The following FREM1 variants were observed in gnomAD, a reference collection of about 807,000 sequenced individuals.
FREM1 encodes FRAS1 related extracellular matrix 1.
FREM1 carries 220 observed loss-of-function variants against 210.1 expected under a neutral mutation model. The ratio of observed to expected loss-of-function variants is 1.05; its 90% CI spans 0.94 to 1.17. FREM1 has a LOEUF of 1.17. FREM1 is among the 50% of genes most tolerant of loss of function. The pLI is 0.00. For missense variants in FREM1, 3,454 were observed against 2,675.5 expected, an observed-to-expected ratio of 1.29 and a Z score of -6.42; for synonymous variants, 1,189 against 980.2, an observed-to-expected ratio of 1.21 and a Z score of -3.98.
At chr9:14,777,745 T>G (rs1848866688) in intron 24 of FREM1, among the ~76,000 whole-genome samples, 1 of 152,206 alleles carries the variant, frequency 6.6e-6, no homozygotes, top group Non-Finnish European at 1.5e-5. Flanking sequence ...AAATGTGTCT[T>G]GTCCTTCAGG....
At chr9:14,870,458 G>A (rs1467531345) in intron 1 of FREM1, among the ~76,000 whole-genome samples, 1 of 151,866 alleles carries the variant, frequency 6.6e-6, no homozygotes, top group African/African-American at 2.4e-5. Flanking sequence ...ATGCACATCT[G>A]GTTGTTTTGT....
rs147235468 is a variant in FREM1 at position 14,749,531 on chromosome 9, T to C, written c.5557+596A>G. 2.8e-4 allele frequency among the ~76,000 whole-genome samples: 43 copies of C among 152,262 alleles called. No homozygotes were observed. In the East Asian group the frequency reaches 7.9e-3, roughly 28 times the overall value. On this transcript the variant is annotated intron_variant, in intron 30 of 36. Transcript: ENST00000380880. Reference sequence around the variant, plus strand: ...AGACAAGTAACTAAAAGGCATTTGGTGGAAAAAAATCAGAGCACCAAAGAG... The same window carrying C: ...AGACAAGTAACTAAAAGGCATTTGGCGGAAAAAAATCAGAGCACCAAAGAG...
chr9:14,847,400 A>AGAAG (rs1348075386), intron 7 of FREM1, among the ~76,000 whole-genome samples: 8,503 of 34,884 alleles, frequency 0.24, 1,860 homozygotes, highest in Non-Finnish European at 0.36. Context: ...AGAGAGAAAA[A>AGAAG]GAAGGAAGGA....
intron 34 of FREM1, 131 bp downstream of exon 34, chr9:14,746,792 G>A: frequency 1.8e-6 from 2 of 1,119,624 alleles, no homozygotes; most frequent in Non-Finnish European, 1.2e-6. Context: ...TTTCCTCTTG[G>A]CCTTCAAGTT....
At chr9:14,851,185 G>T in intron 6 of FREM1, 99 bp downstream of exon 6, 1 of 835,700 alleles carries the variant, frequency 1.2e-6, no homozygotes, top group Admixed American at 2.8e-5. Context: ...CTTTTCTGAG[G>T]CAATGAATGT....
At chr9:14,775,203 G>C (rs1848335993) in intron 25 of FREM1, among the ~76,000 whole-genome samples, 1 of 152,176 alleles carries the variant, frequency 6.6e-6, no homozygotes, top group African/African-American at 2.4e-5. Flanking sequence ...TTTAAGGTCA[G>C]ACGGCTAATA....
chr9:14,755,259 C>G (rs182675785), intron 29 of FREM1, among the ~76,000 whole-genome samples: 59 of 152,300 alleles, frequency 3.9e-4, no homozygotes, highest in Non-Finnish European at 1.3e-4. Flanking sequence ...CAGTGAACTG[C>G]AGAGAGCCAT....
intron 26 of FREM1, 29 bp from the exon 27 acceptor site, chr9:14,769,897 G>A (rs753505898): frequency 3.5e-6 from 4 of 1,144,420 alleles, no homozygotes; most frequent in African/African-American, 1.6e-5. Flanking sequence ...GAATATCATG[G>A]GTAATCAAAC....
intron 3 of FREM1, among the ~76,000 whole-genome samples, chr9:14,860,798 C>T (rs1381088229): frequency 1.6e-4 from 15 of 91,108 alleles, no homozygotes; most frequent in Non-Finnish European, 2.6e-4. Context: ...TACATATATA[C>T]ACATATATAC....
intron 1 of FREM1, among the ~76,000 whole-genome samples, chr9:14,887,735 G>C (rs1408982099): frequency 6.6e-6 from 1 of 151,988 alleles, no homozygotes; most frequent in Non-Finnish European, 1.5e-5. Flanking sequence ...CAGAAGCACT[G>C]GGCTACATTC....
intron 6 of FREM1, among the ~76,000 whole-genome samples, chr9:14,850,163 GAAGCAC>G (rs1216557595): frequency 6.6e-6 from 1 of 152,138 alleles, no homozygotes; most frequent in Non-Finnish European, 1.5e-5. Context: ...TTAAGCATGT[GAAGCAC>G]TATTATGTGG....
At chr9:14,829,470 T>C (rs144661787) in intron 10 of FREM1, among the ~76,000 whole-genome samples, 1 of 152,248 alleles carries the variant, frequency 6.6e-6, no homozygotes, top group Non-Finnish European at 1.5e-5. Flanking sequence ...TCATCACCAA[T>C]GCAACAGTGT....
intron 23 of FREM1, among the ~76,000 whole-genome samples, chr9:14,788,641 G>C (rs1258845590): frequency 6.6e-6 from 1 of 152,138 alleles, no homozygotes; most frequent in African/African-American, 2.4e-5. Context: ...AATCCTAACA[G>C]TTAAAGTAGC....
chr9:14,793,528 C>G (rs983896549), intron 21 of FREM1, among the ~76,000 whole-genome samples: 1 of 152,360 alleles, frequency 6.6e-6, no homozygotes, highest in Admixed American at 6.5e-5. Flanking sequence ...AGAGCCACCA[C>G]TGCTGTGGTT....
At chr9:14,829,932 A>G (rs76448655) in intron 10 of FREM1, among the ~76,000 whole-genome samples, 2,736 of 152,268 alleles carry the variant, frequency 0.018, 64 homozygotes, top group East Asian at 0.076. Context: ...CAGAGAGAGG[A>G]CCAGAAAACG....
intron 1 of FREM1, among the ~76,000 whole-genome samples, chr9:14,879,800 G>T (rs547484468): frequency 2.6e-4 from 39 of 152,266 alleles, no homozygotes; most frequent in African/African-American, 8.7e-4. Flanking sequence ...ATGGAGACAT[G>T]TGTTGTATTA....
At chr9:14,889,840 G>A (rs1019729691) in intron 1 of FREM1, among the ~76,000 whole-genome samples, 4 of 152,212 alleles carry the variant, frequency 2.6e-5, no homozygotes, top group Non-Finnish European at 4.4e-5. Flanking sequence ...GCCATGTGAC[G>A]TGGGAGCCTT....
intron 1 of FREM1, among the ~76,000 whole-genome samples, chr9:14,902,666 G>C (rs545136153): frequency 2.0e-5 from 3 of 152,034 alleles, no homozygotes; most frequent in Admixed American, 6.6e-5. Flanking sequence ...GAGGCTCTAC[G>C]GACAAATGAG....
At chr9:14,830,469 G>A (rs1009557735) in intron 10 of FREM1, among the ~76,000 whole-genome samples, 4 of 152,166 alleles carry the variant, frequency 2.6e-5, no homozygotes, top group Admixed American at 6.5e-5. Flanking sequence ...AGTACATTGA[G>A]AACACTTTAT....
Sources: allele counts gnomAD v4.1 joint callset (sites outside exome capture counted in the v4.1 genomes callset), GRCh38; gene constraint gnomAD v4.1.1; transcripts MANE v1.5; gene names NCBI Gene and HGNC (gene_info 2026-07-23, HGNC 2026-07-21).